Variants in PCBP3 observed in about 807,000 individuals in gnomAD.
PCBP3 encodes the protein poly(rC) binding protein 3.
A neutral mutation model predicts 52.7 loss-of-function variants in PCBP3; 25 were observed. The ratio of observed to expected loss-of-function variants is 0.47; its 90% CI spans 0.35 to 0.66. The LOEUF is 0.66. PCBP3 is among the 30% of genes least tolerant of loss of function. The probability of loss-of-function intolerance (pLI) is 0.01; values close to 1 mark genes in which losing one functional copy is unlikely to be tolerated. For missense variants in PCBP3, 391 were observed against 490.3 expected, an observed-to-expected ratio of 0.80 and a Z score of 1.91; for synonymous variants, 162 against 183.0, an observed-to-expected ratio of 0.89 and a Z score of 0.93.
chr21:45,865,420 C>A (rs892721290), intron 5 of PCBP3, among the ~76,000 whole-genome samples: 1 of 152,216 alleles, frequency 6.6e-6, no homozygotes, highest in South Asian at 2.1e-4. Flanking sequence ...GATATTCCTT[C>A]GCTTCTATCA....
chr21:45,867,531 A>C (rs1237040890), intron 5 of PCBP3, among the ~76,000 whole-genome samples: 3 of 152,208 alleles, frequency 2.0e-5, no homozygotes, highest in African/African-American at 7.2e-5. Flanking sequence ...ATACATGCAA[A>C]TATCCTTCCA....
chr21:45,661,926 C>A (rs1422893308), intron 1 of PCBP3, among the ~76,000 whole-genome samples: 2 of 152,016 alleles, frequency 1.3e-5, no homozygotes, highest in African/African-American at 2.4e-5. Context: ...TGTTTTTTGG[C>A]CATTTGTATA....
intron 2 of PCBP3, among the ~76,000 whole-genome samples, chr21:45,729,955 G>T (rs550592190): frequency 4.1e-4 from 63 of 152,068 alleles, no homozygotes; most frequent in African/African-American, 1.3e-3. Flanking sequence ...GTAGAGAGTA[G>T]GTCTTGCTAT....
intron 13 of PCBP3, among the ~76,000 whole-genome samples, chr21:45,925,069 G>A (rs1472733503): frequency 2.2e-5 from 2 of 92,258 alleles, no homozygotes; most frequent in Non-Finnish European, 4.6e-5. Flanking sequence ...AAGATCGGGT[G>A]TGCGTGAGGA....
At chr21:45,749,643 A>G (rs1242208713) in intron 3 of PCBP3, 1 of 152,232 alleles carries the variant, frequency 6.6e-6, no homozygotes, top group African/African-American at 2.4e-5. Flanking sequence ...AAAATGAGTT[A>G]GTAGAGAAAC....
intron 4 of PCBP3, among the ~76,000 whole-genome samples, chr21:45,841,676 G>A (rs781694771): frequency 6.6e-5 from 10 of 152,078 alleles, no homozygotes; most frequent in Non-Finnish European, 1.0e-4. Flanking sequence ...GTTCTCATAC[G>A]GGATTTGATC....
chr21:45,738,200 A>G (rs1312176942), intron 3 of PCBP3, among the ~76,000 whole-genome samples: 1 of 149,886 alleles, frequency 6.7e-6, no homozygotes, highest in Non-Finnish European at 1.5e-5. Context: ...GAAGATTTTT[A>G]TTTACTTTGA....
chr21:45,656,830 T>C lies in PCBP3; in HGVS notation c.-278-12044T>C, dbSNP rs568655190. Among the ~76,000 whole-genome samples, 2 of 152,248 alleles carry C rather than the reference T, an allele frequency of 1.3e-5. 1 individual carries two copies. Among genetic ancestry groups the C allele is most frequent in the South Asian group, 4.2e-4 (2 of 4,818 alleles). ...TGAGTAGTCTTTTCATTTTCTTTTCTTTCTTTCTTGAGACAGAGTTTTGCT... is the reference window on the plus strand; with the variant it reads ...TGAGTAGTCTTTTCATTTTCTTTTCCTTCTTTCTTGAGACAGAGTTTTGCT... On this transcript the variant is annotated intron_variant, in intron 1 of 17. Coordinates refer to ENST00000681687, the MANE Select transcript of PCBP3 (RefSeq NM_001384156.1). This position sits in a 1 kb window ranked among gnomAD's most constrained non-coding sequence, Gnocchi z 4.3.
chr21:45,726,743 G>A (rs2085077384), intron 2 of PCBP3, among the ~76,000 whole-genome samples: 1 of 152,212 alleles, frequency 6.6e-6, no homozygotes, highest in Admixed American at 6.5e-5. Context: ...CCCATGGCTG[G>A]CCTGGCTGGT....
At position 45,939,943 on chromosome 21, in the gene PCBP3, C is replaced by T. The variant is rs563526944; in HGVS notation, c.910-87C>T. The T allele has an allele frequency of 3.2e-6, 4 of 1,262,350 alleles. 1 individual carries two copies. In the South Asian group the frequency reaches 5.4e-5, roughly 17 times the overall value. The allele number at this position is 1,262,350 out of a possible 1,614,324, so 78.2% of individuals were successfully genotyped here. On this transcript the variant is annotated intron_variant, in intron 16 of 17. Transcript: ENST00000681687. ...CAGAGTCCAAGGCTGGCGGCCCGTC[C>T]CACCGGCCCCCTCGGGCGCACTGCC...
At chr21:45,874,318 A>G (rs960141403) in intron 5 of PCBP3, among the ~76,000 whole-genome samples, 4 of 152,356 alleles carry the variant, frequency 2.6e-5, no homozygotes, top group African/African-American at 9.6e-5. Context: ...TGGGAGAATT[A>G]ACATTTTAAA....
intron 4 of PCBP3, among the ~76,000 whole-genome samples, chr21:45,826,651 C>T (rs1290608473): frequency 4.6e-5 from 7 of 152,228 alleles, no homozygotes; most frequent in East Asian, 3.9e-4. Context: ...AGAAGGCCAG[C>T]CAGCCACATA....
intron 2 of PCBP3, among the ~76,000 whole-genome samples, chr21:45,691,315 G>A (rs1215450237): frequency 6.7e-6 from 1 of 149,782 alleles, no homozygotes; most frequent in African/African-American, 2.5e-5. Flanking sequence ...GTGAGAGTGG[G>A]GAATATTGAA....
intron 4 of PCBP3, among the ~76,000 whole-genome samples, chr21:45,785,170 A>C (rs2091015292): frequency 6.8e-6 from 1 of 146,080 alleles, no homozygotes; most frequent in South Asian, 2.2e-4. Context: ...AGAAGTGAGG[A>C]TCCCCTCCGC....
intron 2 of PCBP3, among the ~76,000 whole-genome samples, chr21:45,685,477 C>G (rs1895528855): frequency 6.6e-6 from 1 of 152,132 alleles, no homozygotes. Context: ...TGCCTCTGCC[C>G]ATGGTGGAGT....
At chr21:45,734,252 T>C (rs1039091229) in intron 2 of PCBP3, among the ~76,000 whole-genome samples, 1 of 152,172 alleles carries the variant, frequency 6.6e-6, no homozygotes, top group Admixed American at 6.5e-5. Context: ...GAGTAGGAAC[T>C]CTTCCCAGAT....
chr21:45,929,112 T>C (rs746822469), intron 13 of PCBP3, among the ~76,000 whole-genome samples: 2 of 152,202 alleles, frequency 1.3e-5, no homozygotes, highest in African/African-American at 2.4e-5. Flanking sequence ...AGTTTTTATT[T>C]AAGAAATGAG....
chr21:45,645,034 AT>A (rs2146648441), intron 1 of PCBP3, among the ~76,000 whole-genome samples: 1 of 152,318 alleles, frequency 6.6e-6, no homozygotes, highest in Admixed American at 6.5e-5. Flanking sequence ...AGAGATACCT[AT>A]TTTGGCCCCA....
In PCBP3 at chr21:45,821,570, CT is replaced by C. The variant is rs1428855061; in HGVS notation, c.-125-28390del. Among the ~76,000 whole-genome samples, 1 of 151,982 alleles carries C rather than the reference CT, an allele frequency of 6.6e-6. No individual in the cohort carries two copies. The highest frequency in any genetic ancestry group is 1.5e-5 in the Non-Finnish European group (1 of 67,994). On this transcript the variant is annotated intron_variant, in intron 4 of 17. Transcript: ENST00000681687. This position sits in a 1 kb window ranked among gnomAD's most constrained non-coding sequence, Gnocchi z 4.4. ...TGCACCCTGCTGTGGGCCCCGCCCC[CT>C]CCCCTAACTCATTTCTAGAACTCTC...
Sources: gnomAD v4.1 joint callset for allele counts (sites outside exome capture counted in the v4.1 genomes callset) on GRCh38, gnomAD v4.1.1 for gene constraint, Gnocchi (gnomAD v3.1) non-coding constraint, MANE v1.5 for transcripts, NCBI Gene and HGNC (gene_info 2026-07-23, HGNC 2026-07-21) for gene names.